Variants in SNX25 observed in about 807,000 individuals in gnomAD.
The protein encoded by SNX25 is sorting nexin 25, also known as sorting nexin-25.
A neutral mutation model predicts 113.7 loss-of-function variants in SNX25; 62 were observed. The observed-to-expected ratio is 0.55, with a 90% CI of 0.44 to 0.67. The LOEUF (loss-of-function observed/expected upper bound fraction) is 0.67, where lower values mean the gene tolerates loss of function less well. Among genes scored for constraint, SNX25 ranks in the 30% least tolerant of loss-of-function variants. The pLI is 0.00. For synonymous variants in SNX25, 421 were observed against 436.2 expected, an observed-to-expected ratio of 0.97 and a Z score of 0.43; for missense variants, 1,014 against 1,161.0, an observed-to-expected ratio of 0.87 and a Z score of 1.84.
At position 185,221,761 on chromosome 4, in the gene SNX25, T is replaced by C. The variant is rs79447174; in HGVS notation, c.429+11506T>C. ...ACCCTCAGTCCTCATAGTGCCGGGC[T>C]TTTTCTGTCTGTAGGGACTTTATAT... On this transcript the variant is annotated intron_variant, in intron 1 of 18. Coordinates refer to ENST00000652585, the MANE Select transcript of SNX25 (RefSeq NM_001378034.2). Among the ~76,000 whole-genome samples, 867 of 144,638 alleles carry C rather than the reference T, an allele frequency of 6.0e-3. 7 individuals carry two copies. Among genetic ancestry groups the C allele is most frequent in the African/African-American group, 0.02 (792 of 39,214 alleles). 94.9% of individuals were successfully genotyped at this position (144,638 alleles called of 152,430 possible). A position where few individuals can be genotyped will look rare whatever the true frequency, so the allele number is the denominator to read the frequency against.
chr4:185,333,691 G>C (rs1393156573), intron 10 of SNX25, among the ~76,000 whole-genome samples: 1 of 152,104 alleles, frequency 6.6e-6, no homozygotes, highest in Non-Finnish European at 1.5e-5. Context: ...TGTTGTCTTG[G>C]TTAGTAGTAA....
intron 10 of SNX25, among the ~76,000 whole-genome samples, chr4:185,339,030 T>C (rs922288713): frequency 4.6e-5 from 7 of 152,220 alleles, no homozygotes; most frequent in Admixed American, 2.0e-4. Flanking sequence ...TTGTTGGGGA[T>C]TGCATTGAAC....
chr4:185,220,394 T>A (rs964877114), intron 1 of SNX25, among the ~76,000 whole-genome samples: 1 of 152,162 alleles, frequency 6.6e-6, no homozygotes, highest in African/African-American at 2.4e-5. Context: ...AACTCGTCAT[T>A]TAGCATTAGG....
chr4:185,308,653 G>A (rs1288823068), intron 6 of SNX25, among the ~76,000 whole-genome samples: 1 of 152,222 alleles, frequency 6.6e-6, no homozygotes, highest in African/African-American at 2.4e-5. Context: ...GCCAGGCACT[G>A]TTGTAGGTGC....
downstream of SNX25, among the ~76,000 whole-genome samples, chr4:185,368,689 C>T (rs1579965160): frequency 6.6e-6 from 1 of 152,166 alleles, no homozygotes; most frequent in East Asian, 1.9e-4. Flanking sequence ...GTACAGTATT[C>T]TAGATGTGTA....
intron 12 of SNX25, among the ~76,000 whole-genome samples, chr4:185,343,063 G>A (rs1000417232): frequency 7.2e-5 from 11 of 152,032 alleles, no homozygotes; most frequent in African/African-American, 2.7e-4. Context: ...GCTAATTTTT[G>A]TATTTTTAGC....
intron 7 of SNX25, among the ~76,000 whole-genome samples, chr4:185,313,670 G>A (rs1313269425): frequency 6.6e-6 from 1 of 152,128 alleles, no homozygotes; most frequent in African/African-American, 2.4e-5. Context: ...ATATTGTGCA[G>A]TTAAAGCACC....
intron 3 of SNX25, among the ~76,000 whole-genome samples, chr4:185,261,090 TTC>T (rs1380250223): frequency 6.6e-6 from 1 of 150,702 alleles, no homozygotes; most frequent in African/African-American, 2.5e-5. Flanking sequence ...GAGGACAGTA[TTC>T]TGTCTGTCTG....
chr4:185,341,547 T>G (rs2095259902), intron 11 of SNX25, among the ~76,000 whole-genome samples: 1 of 152,228 alleles, frequency 6.6e-6, no homozygotes, highest in Admixed American at 6.5e-5. Flanking sequence ...CCCTGCTGAT[T>G]GTATCACAGG....
intron 1 of SNX25, among the ~76,000 whole-genome samples, chr4:185,229,405 TC>T (rs1741493551): frequency 6.6e-6 from 1 of 152,040 alleles, no homozygotes; most frequent in Non-Finnish European, 1.5e-5. Context: ...GGTGAGGAGG[TC>T]CAGTTGCGGT....
At chr4:185,215,026 C>G (rs577261555) in intron 1 of SNX25, among the ~76,000 whole-genome samples, 1 of 152,044 alleles carries the variant, frequency 6.6e-6, no homozygotes, top group South Asian at 2.1e-4. Context: ...GTCAGGAGAT[C>G]GAGACCATCC....
chr4:185,335,445 A>T (rs2095223928), intron 10 of SNX25, among the ~76,000 whole-genome samples: 1 of 152,154 alleles, frequency 6.6e-6, no homozygotes, highest in East Asian at 1.9e-4. Flanking sequence ...ATCTTGTAAT[A>T]GTAAGACTTT....
intron 1 of SNX25, among the ~76,000 whole-genome samples, chr4:185,228,180 G>A (rs1741294247): frequency 6.6e-6 from 1 of 152,184 alleles, no homozygotes; most frequent in African/African-American, 2.4e-5. Context: ...GGCCAGAAGA[G>A]AAAGTGGTAC....
At position 185,212,042 on chromosome 4, in the gene SNX25, C is replaced by T. The variant is rs58103018; in HGVS notation, c.429+1787C>T. Among the ~76,000 whole-genome samples, 1,409 of 152,108 alleles carry T rather than the reference C, an allele frequency of 9.3e-3. 24 individuals are homozygous for T. Among genetic ancestry groups the T allele is most frequent in the African/African-American group, 0.032 (1,338 of 41,492 alleles). On this transcript the variant is annotated intron_variant, in intron 1 of 18. Coordinates refer to ENST00000652585, the MANE Select transcript of SNX25 (RefSeq NM_001378034.2). Reference sequence around the variant, plus strand: ...GTATAAATCTCTCATGAATACTACCCGAAGATTTCAGGTAATAGAAGAGGG... The same window carrying T: ...GTATAAATCTCTCATGAATACTACCTGAAGATTTCAGGTAATAGAAGAGGG...
upstream of SNX25, among the ~76,000 whole-genome samples, chr4:185,206,364 C>T (rs187400815): frequency 1.0e-3 from 157 of 152,266 alleles, 1 homozygote; most frequent in Middle Eastern, 6.8e-3. Context: ...AGATGGTCTG[C>T]AGGACAGACA....
At chr4:185,291,635 C>CTG (rs1259389626) in intron 6 of SNX25, among the ~76,000 whole-genome samples, 1 of 152,330 alleles carries the variant, frequency 6.6e-6, no homozygotes, top group East Asian at 1.9e-4. Flanking sequence ...TCTTCCATGT[C>CTG]TGTGCCTTAG....
intron 6 of SNX25, among the ~76,000 whole-genome samples, chr4:185,295,518 C>T (rs762348719): frequency 1.0e-4 from 15 of 150,478 alleles, no homozygotes; most frequent in Non-Finnish European, 1.9e-4. Context: ...GGTGCAGTCA[C>T]GGCTCACTGC....
intron 2 of SNX25, among the ~76,000 whole-genome samples, chr4:185,251,722 A>C (rs145679271): frequency 0.01 from 1,523 of 152,104 alleles, 17 homozygotes; most frequent in Non-Finnish European, 0.017. Context: ...GCTGCTATGA[A>C]CATGAGTGTC....
rs1015645243 is a variant in SNX25, at chr4:185,347,947, A to G, written c.2301+1297A>G. Among the ~76,000 whole-genome samples the G allele has an allele frequency of 2.6e-5, 4 of 152,174 alleles. No homozygotes were observed. In the East Asian group the frequency reaches 5.8e-4, roughly 22 times the overall value. Reference sequence around the variant, plus strand: ...TGCTTTTAATGAACAGATGTTCTCAATTTTAATTTAGCCCACTTTATCATT... The same window carrying G: ...TGCTTTTAATGAACAGATGTTCTCAGTTTTAATTTAGCCCACTTTATCATT... On this transcript the variant is annotated intron_variant, in intron 13 of 18. Transcript: ENST00000652585.
Sources: gnomAD v4.1 joint callset for allele counts (sites outside exome capture counted in the v4.1 genomes callset) on GRCh38, gnomAD v4.1.1 for gene constraint, MANE v1.5 for transcripts, NCBI Gene and HGNC (gene_info 2026-07-23, HGNC 2026-07-21) for gene names.